The following GAREM1 variants were observed in gnomAD, a reference collection of about 807,000 sequenced individuals.
The protein encoded by GAREM1 is GRB2-associated and regulator of MAPK protein 1.
A neutral mutation model predicts 71.3 loss-of-function variants in GAREM1; 26 were observed. That is an observed-to-expected ratio of 0.36 (90% CI 0.27 to 0.51). The LOEUF is 0.51. Ranked by LOEUF, GAREM1 falls within the 20% of genes least tolerant of loss-of-function variation. GAREM1 has a pLI of 0.95. For missense variants in GAREM1, 1,026 were observed against 1,103.1 expected, an observed-to-expected ratio of 0.93 and a Z score of 0.99; for synonymous variants, 440 against 433.2, an observed-to-expected ratio of 1.02 and a Z score of -0.20.
At chr18:32,307,600 G>A (rs944414343) in intron 3 of GAREM1, among the ~76,000 whole-genome samples, 10 of 152,080 alleles carry the variant, frequency 6.6e-5, no homozygotes, top group Admixed American at 6.5e-5. Context: ...TCGGCTCACC[G>A]CAACCTCTGC....
rs2047026207 is a variant in GAREM1 at position 32,287,062 on chromosome 18, G to A, written c.1535C>T (p.Pro512Leu). The change falls in exon 4 of 6, where the codon CCT becomes CTT. Residue 512 changes from proline to leucine, a missense_variant. Physicochemically the swap from Pro to Leu is moderately conservative, Grantham distance 98 (BLOSUM62 -3). Around this residue, in one of 3 missense-constraint regions of GAREM1, gnomAD observed 636 missense variants for 631.2 expected, o/e 1.01. Coordinates refer to ENST00000269209, the MANE Select transcript of GAREM1 (RefSeq NM_001242409.2). The surrounding 1 kb of genome is among the most constrained non-coding windows in gnomAD (Gnocchi z 5.9). ...AAVKSSDTAL[P>L]PPPVPPKSEA... Reference sequence around the variant, plus strand: ...AGATTTGGGAGGCACTGGAGGTGGAGGTAGGGCAGTATCTGAAGACTTCAC... The same window carrying A: ...AGATTTGGGAGGCACTGGAGGTGGAAGTAGGGCAGTATCTGAAGACTTCAC... 2 of 1,614,090 alleles carry A rather than the reference G, an allele frequency of 1.2e-6. No homozygotes were observed. The highest frequency in any genetic ancestry group is 1.1e-5 in the South Asian group (1 of 91,076).
chr18:32,276,222 A>G (rs1360420324), intron 4 of GAREM1, among the ~76,000 whole-genome samples: 2 of 152,198 alleles, frequency 1.3e-5, no homozygotes, highest in Non-Finnish European at 2.9e-5. Flanking sequence ...TAATCTAATA[A>G]TGGGGGCTTA....
At chr18:32,286,321 AGTGTGTGTGTGT>A (rs140225815) in intron 4 of GAREM1, among the ~76,000 whole-genome samples, 7,264 of 143,220 alleles carry the variant, frequency 0.051, 299 homozygotes, top group African/African-American at 0.11. Context: ...CTGGTTCTGG[AGTGTGTGTGTGT>A]GTGTGTGTGT....
chr18:32,280,731 TA>T (rs1243932524), intron 4 of GAREM1, among the ~76,000 whole-genome samples: 2 of 152,202 alleles, frequency 1.3e-5, no homozygotes, highest in African/African-American at 2.4e-5. Flanking sequence ...TTGCTATTTT[TA>T]AAACCAACTG....
At chr18:32,440,131 T>C (rs922227802) in intron 1 of GAREM1, among the ~76,000 whole-genome samples, 1 of 152,198 alleles carries the variant, frequency 6.6e-6, no homozygotes, top group South Asian at 2.1e-4. Flanking sequence ...TTATTTAACA[T>C]AAATAGCACT....
chr18:32,266,688 T>C lies in GAREM1; in HGVS notation c.*1183A>G, dbSNP rs754610777. On this transcript the variant is annotated 3_prime_UTR_variant, in exon 6 of 6. Transcript: ENST00000269209. ...TGGTATTTTAAAAATACTCAACAGATGTAGCATATATAATAATAAAGGCCG... is the reference window on the plus strand; with the variant it reads ...TGGTATTTTAAAAATACTCAACAGACGTAGCATATATAATAATAAAGGCCG... 1 of 152,182 alleles carries C rather than the reference T, an allele frequency of 6.6e-6. No individual in the cohort carries two copies. The highest frequency in any genetic ancestry group is 2.1e-4 in the South Asian group (1 of 4,836). The allele number at this position is 152,182 out of a possible 1,614,324, so 9.4% of individuals were successfully genotyped here. A position where few individuals can be genotyped will look rare whatever the true frequency, so the allele number is the denominator to read the frequency against.
chr18:32,426,858 G>A (rs1206582455), intron 1 of GAREM1, among the ~76,000 whole-genome samples: 1 of 151,956 alleles, frequency 6.6e-6, no homozygotes, highest in Non-Finnish European at 1.5e-5. Flanking sequence ...ATTTTTAATG[G>A]CATTATATTT....
intron 4 of GAREM1, among the ~76,000 whole-genome samples, chr18:32,278,151 T>G (rs1418730862): frequency 2.6e-5 from 4 of 152,188 alleles, no homozygotes; most frequent in African/African-American, 9.7e-5. Context: ...GACAGTTAAC[T>G]AAGGCATGGT....
chr18:32,420,651 C>T lies in GAREM1; in HGVS notation c.122-27616G>A, dbSNP rs57652210. Among the ~76,000 whole-genome samples the T allele has an allele frequency of 2.2e-3, 328 of 152,012 alleles. 2 individuals carry two copies. The highest frequency in any genetic ancestry group is 7.4e-3 in the African/African-American group (307 of 41,432). On this transcript the variant is annotated intron_variant, in intron 1 of 5. Transcript: ENST00000269209. ...ATCCCGGCTGACGCAGTGGCTCATG[C>T]CTGTATTCCAATGTTTTAGGAGGCC...
At chr18:32,270,426 A>T in intron 4 of GAREM1, 43 bp from the exon 5 acceptor site, 1 of 1,546,782 alleles carries the variant, frequency 6.5e-7, no homozygotes, top group Non-Finnish European at 8.8e-7. Flanking sequence ...CAGACTGACA[A>T]TGCCACGGGG....
chr18:32,286,973 A>C, intron 4 of GAREM1, 58 bp downstream of exon 4: 2 of 1,243,246 alleles, frequency 1.6e-6, no homozygotes, highest in South Asian at 2.7e-5. Context: ...AAATTAGTGG[A>C]TGACTGAGCA....
intron 1 of GAREM1, among the ~76,000 whole-genome samples, chr18:32,407,876 G>A (rs577128507): frequency 3.9e-5 from 6 of 152,052 alleles, no homozygotes; most frequent in South Asian, 2.1e-4. Flanking sequence ...TGAAATTGAC[G>A]CACAGGAGCA....
intron 3 of GAREM1, among the ~76,000 whole-genome samples, chr18:32,292,807 T>C (rs2047099867): frequency 6.6e-6 from 1 of 152,130 alleles, no homozygotes; most frequent in Non-Finnish European, 1.5e-5. Flanking sequence ...TTATAGGAGT[T>C]TGAGAATGGA....
chr18:32,298,939 T>TTA (rs983639218), intron 3 of GAREM1, among the ~76,000 whole-genome samples: 6 of 151,902 alleles, frequency 3.9e-5, no homozygotes, highest in East Asian at 1.9e-4. Flanking sequence ...TAAATGGTGT[T>TTA]TATATATATA....
chr18:32,371,556 C>G (rs1028056156), intron 2 of GAREM1, among the ~76,000 whole-genome samples: 1 of 151,996 alleles, frequency 6.6e-6, no homozygotes, highest in Admixed American at 6.6e-5. Flanking sequence ...TGGGAGGGCT[C>G]CCAGATTTCT....
intron 3 of GAREM1, among the ~76,000 whole-genome samples, chr18:32,297,004 C>T (rs1165444083): frequency 6.6e-6 from 1 of 152,190 alleles, no homozygotes; most frequent in Non-Finnish European, 1.5e-5. Flanking sequence ...ACAGTCCACA[C>T]CTGGCCCACC....
At chr18:32,356,599 C>A (rs1413276715) in intron 2 of GAREM1, among the ~76,000 whole-genome samples, 1 of 152,108 alleles carries the variant, frequency 6.6e-6, no homozygotes, top group African/African-American at 2.4e-5. Flanking sequence ...ATATTGAAAA[C>A]TTATTAGATG....
chr18:32,440,541 T>C (rs972855644), intron 1 of GAREM1, among the ~76,000 whole-genome samples: 1 of 152,234 alleles, frequency 6.6e-6, no homozygotes, highest in African/African-American at 2.4e-5. Context: ...CAGCCTTTGA[T>C]TTTGTTCCTT....
chr18:32,425,904 T>A (rs1162000621), intron 1 of GAREM1, among the ~76,000 whole-genome samples: 5 of 152,230 alleles, frequency 3.3e-5, no homozygotes, highest in Non-Finnish European at 7.3e-5. Context: ...TTCTTCAAAT[T>A]AAAGATTCAC....
Sources: gnomAD v4.1 joint callset for allele counts (sites outside exome capture counted in the v4.1 genomes callset) on GRCh38, gnomAD v4.1.1 for gene constraint, gnomAD v4.1.1 regional missense constraint, Gnocchi (gnomAD v3.1) non-coding constraint, MANE v1.5 for transcripts, NCBI Gene and HGNC (gene_info 2026-07-23, HGNC 2026-07-21) for gene names.